POU6F2: variants seen among roughly 807,000 people sequenced by gnomAD.
POU6F2 encodes the protein POU domain, class 6, transcription factor 2.
A neutral mutation model predicts 71.3 loss-of-function variants in POU6F2; 31 were observed. The observed-to-expected ratio is 0.43, with a 90% confidence interval of 0.33 to 0.59. POU6F2 has a LOEUF of 0.59. Among genes scored for constraint, POU6F2 ranks in the 20% least tolerant of loss-of-function variants. The pLI, the probability that POU6F2 is intolerant of heterozygous loss-of-function variation, is 0.04. For synonymous variants in POU6F2, 347 were observed against 355.7 expected (o/e 0.98, Z 0.27); for missense variants, 783 against 856.8 (o/e 0.91, Z 1.07).
intron 6 of POU6F2, among the ~76,000 whole-genome samples, chr7:39,416,121 C>T (rs1787667784): frequency 6.6e-6 from 1 of 151,746 alleles, no homozygotes; most frequent in Non-Finnish European, 1.5e-5. Flanking sequence ...CACACACACA[C>T]ACACACACAC....
chr7:39,074,442 T>C (rs1339133208), intron 1 of POU6F2, among the ~76,000 whole-genome samples: 1 of 151,820 alleles, frequency 6.6e-6, no homozygotes, highest in Admixed American at 6.6e-5. Flanking sequence ...ATCACGCCAC[T>C]GCACTCCAGC....
At chr7:39,375,241 C>T (rs991776111) in intron 5 of POU6F2, among the ~76,000 whole-genome samples, 30 of 152,072 alleles carry the variant, frequency 2.0e-4, no homozygotes, top group African/African-American at 6.8e-4. Flanking sequence ...CCATATGACC[C>T]GGGAGCGAGA....
intron 2 of POU6F2, among the ~76,000 whole-genome samples, chr7:39,154,716 G>A (rs1489168282): frequency 1.3e-5 from 2 of 151,838 alleles, no homozygotes; most frequent in Non-Finnish European, 2.9e-5. Flanking sequence ...GGGCCTCCTA[G>A]CCAAGTTGAA....
intron 4 of POU6F2, among the ~76,000 whole-genome samples, chr7:39,272,494 T>A (rs1562771765): frequency 6.6e-6 from 1 of 152,122 alleles, no homozygotes; most frequent in Non-Finnish European, 1.5e-5. Context: ...AGGAGCCCAA[T>A]AAATAAATGT....
At chr7:39,211,243 A>G (rs1020463806) in intron 4 of POU6F2, among the ~76,000 whole-genome samples, 1 of 152,102 alleles carries the variant, frequency 6.6e-6, no homozygotes, top group Non-Finnish European at 1.5e-5. Context: ...GCATCCCCCA[A>G]TATCACCAGC....
At chr7:39,040,885 A>AT (rs945980064) in intron 1 of POU6F2, among the ~76,000 whole-genome samples, 177 of 152,048 alleles carry the variant, frequency 1.2e-3, no homozygotes, top group African/African-American at 4.2e-3. Context: ...AAACTCACAC[A>AT]AACGCATACA....
At chr7:39,421,435 T>C (rs1787847523) in intron 6 of POU6F2, among the ~76,000 whole-genome samples, 2 of 152,196 alleles carry the variant, frequency 1.3e-5, no homozygotes, top group Admixed American at 1.3e-4. Flanking sequence ...GATGAACAGA[T>C]GCATCTTTAA....
intron 1 of POU6F2, among the ~76,000 whole-genome samples, chr7:39,048,695 A>G (rs545514118): frequency 6.6e-6 from 1 of 152,136 alleles, no homozygotes; most frequent in Non-Finnish European, 1.5e-5. Flanking sequence ...CTTTGTGTAT[A>G]TACCCAATAA....
intron 4 of POU6F2, among the ~76,000 whole-genome samples, chr7:39,329,608 G>A (rs1785595632): frequency 6.6e-6 from 1 of 152,164 alleles, no homozygotes; most frequent in Non-Finnish European, 1.5e-5. Flanking sequence ...GAGAAGTCAA[G>A]GGAATAGAGG....
chr7:39,259,634 T>C (rs1382104684), intron 4 of POU6F2, among the ~76,000 whole-genome samples: 1 of 152,146 alleles, frequency 6.6e-6, no homozygotes, highest in African/African-American at 2.4e-5. Flanking sequence ...AGCCTGGGCC[T>C]GTGCATTCCT....
At chr7:39,316,157 T>C (rs10951600) in intron 4 of POU6F2, among the ~76,000 whole-genome samples, 17,173 of 152,182 alleles carry the variant, frequency 0.11, 1,230 homozygotes, top group East Asian at 0.17. Context: ...ATAGCATGCC[T>C]CAGTCTATTG....
intron 1 of POU6F2, among the ~76,000 whole-genome samples, chr7:39,047,358 T>C (rs1186785496): frequency 6.6e-6 from 1 of 151,928 alleles, no homozygotes; most frequent in African/African-American, 2.4e-5. Context: ...GGAATATGTC[T>C]CCACTTATTT....
At chr7:39,456,068 A>G (rs962730587) in intron 8 of POU6F2, among the ~76,000 whole-genome samples, 7 of 152,156 alleles carry the variant, frequency 4.6e-5, no homozygotes, top group Admixed American at 4.6e-4. Flanking sequence ...TGTCTTTAAT[A>G]TATCAGGCTC....
At chr7:39,050,193 C>G in intron 1 of POU6F2, among the ~76,000 whole-genome samples, 1 of 151,918 alleles carries the variant, frequency 6.6e-6, no homozygotes, top group Non-Finnish European at 1.5e-5. Context: ...CCCCAACCCC[C>G]TTGCCACAAC....
chr7:39,131,640 T>A (rs558950604), intron 2 of POU6F2, among the ~76,000 whole-genome samples: 5 of 152,160 alleles, frequency 3.3e-5, no homozygotes, highest in African/African-American at 1.2e-4. Flanking sequence ...ATTTTCTATA[T>A]CCTGGCTGTG....
intron 5 of POU6F2, among the ~76,000 whole-genome samples, chr7:39,356,885 T>G (rs1047436483): frequency 1.3e-5 from 2 of 152,216 alleles, no homozygotes; most frequent in African/African-American, 4.8e-5. Flanking sequence ...AATGGGGGCT[T>G]GATTTAAATG....
chr7:39,383,117 T>TA (rs1786863655), intron 5 of POU6F2, among the ~76,000 whole-genome samples: 1 of 152,240 alleles, frequency 6.6e-6, no homozygotes. Context: ...ATTAGCATTG[T>TA]AATCTCTGGG....
chr7:39,323,975 G>T (rs1469283151), intron 4 of POU6F2, among the ~76,000 whole-genome samples: 2 of 151,962 alleles, frequency 1.3e-5, no homozygotes, highest in Non-Finnish European at 2.9e-5. Flanking sequence ...AGGCCTGGTC[G>T]TGGGTGCCTG....
chr7:39,403,817 A>G (rs151318872), intron 5 of POU6F2, among the ~76,000 whole-genome samples: 239 of 152,356 alleles, frequency 1.6e-3, no homozygotes, highest in Non-Finnish European at 3.0e-3. Flanking sequence ...GCCAAAAGAT[A>G]TGTATGTATA....
Sources: allele counts gnomAD v4.1 joint callset (sites outside exome capture counted in the v4.1 genomes callset), GRCh38; gene constraint gnomAD v4.1.1; transcripts MANE v1.5; gene names NCBI Gene and HGNC (gene_info 2026-07-23, HGNC 2026-07-21).